Variants in NFATC4 observed in about 807,000 individuals in gnomAD.
NFATC4 encodes nuclear factor of activated T cells 4, also known as nuclear factor of activated T-cells, cytoplasmic 4.
In NFATC4, 25 loss-of-function variants were observed where a neutral mutation model predicts 73.4. The ratio of observed to expected loss-of-function variants is 0.34; its 90% CI spans 0.25 to 0.48. The LOEUF (loss-of-function observed/expected upper bound fraction) is 0.48. NFATC4 is among the 20% of genes least tolerant of loss of function. NFATC4 has a pLI of 0.99. For synonymous variants in NFATC4, 523 were observed against 510.3 expected, an observed-to-expected ratio of 1.02 and a Z score of -0.34; for missense variants, 1,130 against 1,203.7, an observed-to-expected ratio of 0.94 and a Z score of 0.91.
At position 24,376,123 on chromosome 14, in the gene NFATC4, G is replaced by A. The variant is rs751100230; in HGVS notation, c.2056+22G>A. On this transcript the variant is annotated intron_variant, in intron 8 of 9. Transcript: ENST00000250373. The surrounding 1 kb of genome is among the most constrained non-coding windows in gnomAD (Gnocchi z 5.0). ...CCTGGTGCGCTCTGGGACAGCCCAT[G>A]GTGGGGGTATAGGGATATGGGGAGC... 6.2e-7 allele frequency: 1 copy of A among 1,613,880 alleles called. No homozygotes were observed. Among genetic ancestry groups the A allele is most frequent in the East Asian group, 2.2e-5 (1 of 44,876 alleles).
intron 1 of NFATC4, chr14:24,369,100 G>A (rs2042389900): frequency 1.4e-6 from 2 of 1,424,474 alleles, no homozygotes; most frequent in Non-Finnish European, 1.8e-6. Context: ...GATGGCAACT[G>A]GGGCTCCTGC....
intron 6 of NFATC4, among the ~76,000 whole-genome samples, chr14:24,374,940 C>T (rs926732040): frequency 2.0e-5 from 3 of 152,060 alleles, no homozygotes; most frequent in African/African-American, 7.2e-5. Context: ...ACGCTGCTCA[C>T]CAAGAGCCTC....
rs774413775 is a variant in NFATC4, at chr14:24,373,855, C to G, written c.1720C>G (p.Pro574Ala). Residue 574 changes from proline (P) to alanine (A), a missense_variant, in exon 5 of 10, where the codon CCC becomes GCC. Transcript: ENST00000250373. This position sits in a 1 kb window ranked among gnomAD's most constrained non-coding sequence, Gnocchi z 4.7. ...CGTCTCAGTACAGGCAGCATCGGTG[C>G]CCATCGAGTGCTGTGAGCAAAGAGG... ...KVVSVQAASV[P>A]IECSQRSAQE... is the part of the protein sequence containing the mutation. 7.4e-6 allele frequency: 12 copies of G among 1,613,892 alleles called. No individual in the cohort carries two copies. The highest frequency in any genetic ancestry group is 5.0e-5 in the Admixed American group (3 of 60,008).
rs1166212691 is a variant in NFATC4, at chr14:24,376,513, G to A, written c.2276G>A (p.Arg759Lys). The change falls in exon 9 of 10, where the codon AGA becomes AAA. Residue 759 changes from arginine (R) to lysine (K), a missense_variant. Around this residue, in one of 3 missense-constraint regions of NFATC4, gnomAD observed 390 missense variants for 408.1 expected, o/e 0.96. Coordinates refer to ENST00000250373, the MANE Select transcript of NFATC4 (RefSeq NM_004554.5). The surrounding 1 kb of genome is among the most constrained non-coding windows in gnomAD (Gnocchi z 5.0). ...CAGACGGGGCCCCCACCATCCTACAGACCGGGCCTGCGGATGTTCCCTGAG... is the reference window on the plus strand; with the variant it reads ...CAGACGGGGCCCCCACCATCCTACAAACCGGGCCTGCGGATGTTCCCTGAG... The part of the protein sequence containing the change: ...YPQTGPPPSY[R>K]PGLRMFPETR... 2.5e-6 allele frequency: 4 copies of A among 1,613,942 alleles called. No individual in the cohort carries two copies. The highest frequency in any genetic ancestry group is 3.4e-6 in the Non-Finnish European group (4 of 1,179,934).
At chr14:24,367,487 T>C, upstream of NFATC4, 1 of 1,535,504 alleles carries the variant, frequency 6.5e-7, no homozygotes, top group Non-Finnish European at 8.7e-7. Context: ...CATCAAGGGC[T>C]GTGGGCCTAG....
chr14:24,368,792 A>G (rs1357865863), intron 1 of NFATC4, among the ~76,000 whole-genome samples: 1 of 151,710 alleles, frequency 6.6e-6, no homozygotes, highest in Non-Finnish European at 1.5e-5. Flanking sequence ...TGGCGGACCG[A>G]GCTCTGGCCC....
Position 24,378,938 on chromosome 14 carries a change from C to A in NFATC4, c.*1233C>A, listed in dbSNP as rs964095844. 6.6e-6 allele frequency: 1 copy of A among 152,276 alleles called. No homozygotes were observed. Among genetic ancestry groups the A allele is most frequent in the Non-Finnish European group, 1.5e-5 (1 of 68,074 alleles). The allele number at this position is 152,276 out of a possible 1,614,324, so 9.4% of individuals were successfully genotyped here. On this transcript the variant is annotated 3_prime_UTR_variant, in exon 10 of 10. Coordinates refer to ENST00000250373, the MANE Select transcript of NFATC4 (RefSeq NM_004554.5). ...TCTGTCTTGTTCACCTGGAGCCTGA[C>A]ACACCGTAGGTACTGAGTACAAATA...
intron 6 of NFATC4, among the ~76,000 whole-genome samples, chr14:24,375,218 T>C (rs1309960135): frequency 6.6e-6 from 1 of 152,092 alleles, no homozygotes; most frequent in Non-Finnish European, 1.5e-5. Flanking sequence ...CTGGCCCCTA[T>C]ATCCAAATTT....
upstream of NFATC4, chr14:24,367,528 C>T (rs2042338740): frequency 2.0e-6 from 3 of 1,535,746 alleles, no homozygotes; most frequent in Non-Finnish European, 2.6e-6. Context: ...TTGGCTCGGA[C>T]TGCTCCCAGA....
chr14:24,372,553 G>A lies in NFATC4; in HGVS notation c.1309G>A (p.Gly437Ser). The A allele has an allele frequency of 6.2e-7, 1 of 1,614,100 alleles. No homozygotes were observed. The highest frequency in any genetic ancestry group is 8.5e-7 in the Non-Finnish European group (1 of 1,180,042). Reference protein sequence around the residue: ...AHHRAHYETEGSRGAVKAAPG... With the variant: ...AHHRAHYETESSRGAVKAAPG... ...CCACCGGGCCCACTATGAGACAGAAGGCAGCCGTGGAGCTGTCAAAGCTGC... is the reference window on the plus strand; with the variant it reads ...CCACCGGGCCCACTATGAGACAGAAAGCAGCCGTGGAGCTGTCAAAGCTGC... The change falls in exon 3 of 10, where the codon GGC (glycine) becomes AGC (serine). Residue 437 changes from glycine to serine, a missense_variant. By Grantham distance (56) the Gly-to-Ser change is moderately conservative (BLOSUM62 0). This residue lies in a region of NFATC4 where 155 missense variants were observed against 221.2 expected (regional missense o/e 0.70). Coordinates refer to ENST00000250373, the MANE Select transcript of NFATC4 (RefSeq NM_004554.5).
chr14:24,375,759 G>GGGGGCCCC, intron 7 of NFATC4, 44 bp downstream of exon 7: 1 of 617,006 alleles, frequency 1.6e-6, no homozygotes, highest in Non-Finnish European at 3.0e-6. Context: ...GGGGGTGGGA[G>GGGGGCCCC]AAGGCAGGGG....
Position 24,370,152 on chromosome 14 carries a change from G to A in NFATC4, c.754G>A (p.Ala252Thr), listed in dbSNP as rs1428663921. 6.2e-7 allele frequency: 1 copy of A among 1,603,764 alleles called. No individual in the cohort carries two copies. The highest frequency in any genetic ancestry group is 2.2e-5 in the East Asian group (1 of 44,854). ...AGAGGATAGCTGGCTACTCCTCAGT[G>A]CTCCTGGGCCCACCCCAGCCTCCCC... ...GPEDSWLLLS[A>T]PGPTPASPRP... Residue 252 changes from alanine to threonine, a missense_variant, in exon 2 of 10, where the codon GCT becomes ACT. Physicochemically the swap from Ala to Thr is moderately conservative, Grantham distance 58. Coordinates refer to ENST00000250373, the MANE Select transcript of NFATC4 (RefSeq NM_004554.5).
upstream of NFATC4, chr14:24,367,633 G>T: frequency 2.6e-6 from 4 of 1,536,104 alleles, no homozygotes; most frequent in Non-Finnish European, 3.5e-6. Context: ...CTTCCAGAAG[G>T]CCCGGGCAGA....
chr14:24,369,029 A>C, intron 1 of NFATC4: 6 of 1,231,862 alleles, frequency 4.9e-6, no homozygotes, highest in Admixed American at 3.6e-5. Context: ...GGAGAGAGGG[A>C]GGAGCCACCT....
chr14:24,375,026 C>T (rs1053806597), intron 6 of NFATC4, among the ~76,000 whole-genome samples: 6 of 152,030 alleles, frequency 3.9e-5, no homozygotes, highest in African/African-American at 7.2e-5. Context: ...GCTGCAATCA[C>T]GGCTCACTGC....
intron 1 of NFATC4, among the ~76,000 whole-genome samples, chr14:24,368,788 A>AGG (rs1282874138): frequency 3.2e-4 from 48 of 151,798 alleles, no homozygotes; most frequent in African/African-American, 1.1e-3. Flanking sequence ...CCCCTGGCGG[A>AGG]CCGAGCTCTG....
chr14:24,368,489 G>A, intron 1 of NFATC4, 49 bp downstream of exon 1: 4 of 1,250,782 alleles, frequency 3.2e-6, no homozygotes, highest in Non-Finnish European at 4.0e-6. Flanking sequence ...GAGGAGGGCC[G>A]GGGATCCTGA....
Position 24,370,189 on chromosome 14 carries a change from C to T in NFATC4, c.791C>T (p.Ser264Phe). ...GPTPASPRPA[S>F]PCGKRRYSSS... ...ACCCCAGCCTCCCCGCGGCCTGCCT[C>T]TCCATGTGGCAAGCGGCGCTATTCC... is the stretch of plus-strand genomic sequence containing the variant. The change falls in exon 2 of 10, where the codon TCT becomes TTT. Residue 264 changes from serine to phenylalanine, a missense_variant. Physicochemically the swap from Ser to Phe is radical, Grantham distance 155. This residue lies in a region of NFATC4 where 585 missense variants were observed against 574.3 expected (regional missense o/e 1.02). Coordinates refer to ENST00000250373, the MANE Select transcript of NFATC4 (RefSeq NM_004554.5). The T allele has an allele frequency of 6.2e-7, 1 of 1,607,370 alleles. No homozygotes were observed. Among genetic ancestry groups the T allele is most frequent in the Non-Finnish European group, 8.5e-7 (1 of 1,179,888 alleles).
chr14:24,368,472 T>A, intron 1 of NFATC4, 32 bp downstream of exon 1: 1 of 1,254,050 alleles, frequency 8.0e-7, no homozygotes, highest in Non-Finnish European at 1.0e-6. Flanking sequence ...GGTCTTGGGG[T>A]CAGTGAGAGG....
Sources: allele counts gnomAD v4.1 joint callset (sites outside exome capture counted in the v4.1 genomes callset), GRCh38; gene constraint gnomAD v4.1.1; regional missense constraint gnomAD v4.1.1; non-coding constraint Gnocchi (gnomAD v3.1); transcripts MANE v1.5; gene names NCBI Gene and HGNC (gene_info 2026-07-23, HGNC 2026-07-21).